Variants in AQR observed in about 807,000 individuals in gnomAD.
The protein encoded by AQR is aquarius intron-binding spliceosomal factor.
A neutral mutation model predicts 180.5 loss-of-function variants in AQR; 61 were observed. The observed-to-expected ratio is 0.34, with a 90% CI of 0.28 to 0.42. The LOEUF (loss-of-function observed/expected upper bound fraction) is 0.42, where lower values mean the gene tolerates loss of function less well. Among genes scored for constraint, AQR ranks in the 10% least tolerant of loss-of-function variants. The pLI, the probability that AQR is intolerant of heterozygous loss-of-function variation, is 1.00. For synonymous variants in AQR, 551 were observed against 588.8 expected (o/e 0.94, Z 0.93); for missense variants, 1,281 against 1,798.3 (o/e 0.71, Z 5.20).
intron 5 of AQR, among the ~76,000 whole-genome samples, chr15:34,946,788 G>A (rs1329952970): frequency 6.7e-6 from 1 of 149,146 alleles, no homozygotes; most frequent in African/African-American, 2.5e-5. Flanking sequence ...CCGGCCAGCT[G>A]CCCCGTCCGG....
At chr15:34,959,837 G>C (rs140801001) in intron 3 of AQR, among the ~76,000 whole-genome samples, 11 of 152,194 alleles carry the variant, frequency 7.2e-5, no homozygotes, top group African/African-American at 2.6e-4. Flanking sequence ...CCTGCCTCTT[G>C]CTCCCTCCAA....
intron 15 of AQR, among the ~76,000 whole-genome samples, chr15:34,917,596 G>A (rs12901991): frequency 0.73 from 110,619 of 151,860 alleles, 41,825 homozygotes; most frequent in Middle Eastern, 0.84. Flanking sequence ...GAGCCCCTAA[G>A]AAAAGCCTTT....
chr15:34,951,721 T>C (rs1894236709), intron 4 of AQR, among the ~76,000 whole-genome samples: 1 of 152,138 alleles, frequency 6.6e-6, no homozygotes, highest in African/African-American at 2.4e-5. Context: ...ATCTGTTTTG[T>C]TGCTTTCTCC....
intron 1 of AQR, among the ~76,000 whole-genome samples, chr15:34,969,022 A>T (rs532992142): frequency 6.6e-6 from 1 of 152,322 alleles, no homozygotes; most frequent in African/African-American, 2.4e-5. Context: ...TAGTAAACAG[A>T]TTCTAAATGA....
chr15:34,897,461 G>A (rs538687293), intron 21 of AQR, 98 bp downstream of exon 21: 41 of 1,394,230 alleles, frequency 2.9e-5, no homozygotes, highest in Non-Finnish European at 3.9e-5. Flanking sequence ...GAGTTTTGTG[G>A]AGTTTTAAAA....
rs147291383 is a variant in AQR at position 34,930,433 on chromosome 15, G to A, written c.901-62C>T. ...CATAAGGGCAAGAAAGCACAATACT[G>A]TTTAAAATAATAAACAGGTTCATAC... is the stretch of plus-strand genomic sequence containing the variant. On this transcript the variant is annotated intron_variant, in intron 11 of 34. Transcript: ENST00000156471. 3.0e-3 allele frequency: 2,812 copies of A among 924,298 alleles called. 55 individuals are homozygous for A. The African/African-American group carries it at 0.04, about 13-fold the overall frequency. 57.3% of individuals were successfully genotyped at this position (924,298 alleles called of 1,614,324 possible). A position where few individuals can be genotyped will look rare whatever the true frequency, so the allele number is the denominator to read the frequency against.
intron 22 of AQR, among the ~76,000 whole-genome samples, chr15:34,895,809 C>A (rs1893235041): frequency 6.6e-6 from 1 of 152,058 alleles, no homozygotes; most frequent in African/African-American, 2.4e-5. Flanking sequence ...GACAGAAAAT[C>A]AGCAATAATA....
intron 13 of AQR, among the ~76,000 whole-genome samples, chr15:34,920,922 T>C (rs1025607375): frequency 7.9e-5 from 12 of 151,756 alleles, no homozygotes; most frequent in Admixed American, 4.6e-4. Flanking sequence ...CGCGCCACTG[T>C]ACTCCAGCCT....
chr15:34,874,650 A>C (rs1419155412), intron 29 of AQR, 27 bp downstream of exon 29: 1 of 1,610,568 alleles, frequency 6.2e-7, no homozygotes, highest in African/African-American at 1.3e-5. Context: ...CTTAAATGGG[A>C]ATGATTTTTT....
At chr15:34,876,966 A>G (rs888378679) in intron 27 of AQR, among the ~76,000 whole-genome samples, 1 of 152,150 alleles carries the variant, frequency 6.6e-6, no homozygotes, top group East Asian at 1.9e-4. Flanking sequence ...TCTAAAACTG[A>G]TCTCAAAGTA....
In AQR at chr15:34,944,402, G is replaced by T. The variant is rs747856432; in HGVS notation, c.357C>A (p.Phe119Leu). The change falls in exon 6 of 35, where the codon TTC (phenylalanine) becomes TTA (leucine). Residue 119 changes from phenylalanine (F) to leucine (L), a missense_variant. Coordinates refer to ENST00000156471, the MANE Select transcript of AQR (RefSeq NM_014691.3). ...TCAAGATGTGTTTAAAAAAGAATGG[G>T]AAGTGGTCTGGCTTCTTCTTAAAAA... ...WEIFKKKPDH[F>L]PFFFKHILKA... 1 of 1,604,450 alleles carries T rather than the reference G, an allele frequency of 6.2e-7. No individual in the cohort carries two copies. The highest frequency in any genetic ancestry group is 2.3e-5 in the East Asian group (1 of 44,342).
At chr15:34,894,777 A>C (rs1213012064) in intron 22 of AQR, among the ~76,000 whole-genome samples, 1 of 152,182 alleles carries the variant, frequency 6.6e-6, no homozygotes, top group African/African-American at 2.4e-5. Flanking sequence ...CTGAAGTGAC[A>C]TAATACTGAT....
chr15:34,931,884 G>C (rs1227993624), intron 11 of AQR, among the ~76,000 whole-genome samples: 3 of 152,152 alleles, frequency 2.0e-5, no homozygotes, highest in Non-Finnish European at 4.4e-5. Context: ...GTAAAATACT[G>C]TGTCTTCCTA....
At chr15:34,893,416 G>A (rs547574661) in intron 23 of AQR, among the ~76,000 whole-genome samples, 1 of 152,272 alleles carries the variant, frequency 6.6e-6, no homozygotes, top group Admixed American at 6.5e-5. Context: ...CCAAATAAGG[G>A]AAGGAATGTG....
intron 16 of AQR, 56 bp from the exon 17 acceptor site, chr15:34,910,369 T>A (rs1893482030): frequency 2.5e-6 from 4 of 1,579,336 alleles, no homozygotes; most frequent in Non-Finnish European, 3.5e-6. Context: ...TCCCCAACTT[T>A]TAGACAAGTT....
intron 33 of AQR, among the ~76,000 whole-genome samples, chr15:34,862,293 T>C (rs556319421): frequency 6.6e-6 from 1 of 152,174 alleles, no homozygotes; most frequent in Non-Finnish European, 1.5e-5. Context: ...CAGTACAGTA[T>C]AATGATAAAT....
intron 3 of AQR, among the ~76,000 whole-genome samples, chr15:34,954,043 T>G (rs2140504567): frequency 6.6e-6 from 1 of 152,190 alleles, no homozygotes; most frequent in Non-Finnish European, 1.5e-5. Context: ...GACTCTTGAG[T>G]AGCTGGGATT....
Position 34,856,846 on chromosome 15 carries a change from C to T in AQR, c.4404G>A (p.Pro1468=), listed in dbSNP as rs751382762. 1.1e-5 allele frequency: 18 copies of T among 1,604,764 alleles called. No homozygotes were observed. The African/African-American group carries it at 1.2e-4, about 11-fold the overall frequency. Residue 1468 remains proline, a synonymous_variant, in exon 35 of 35, where the codon CCG becomes CCA. Transcript: ENST00000156471. The part of the protein sequence containing the change: ...TPTVVGAVSA[P]AEANTPQDAT... Reference sequence around the variant, plus strand: ...CATCCTGAGGTGTGTTAGCTTCTGCCGGTGCAGATACAGCTCCTACCACAG... The same window carrying T: ...CATCCTGAGGTGTGTTAGCTTCTGCTGGTGCAGATACAGCTCCTACCACAG...
chr15:34,914,346 C>T (rs57197192), intron 16 of AQR, among the ~76,000 whole-genome samples: 2,568 of 152,246 alleles, frequency 0.017, 73 homozygotes, highest in African/African-American at 0.057. Context: ...AGAGCTGCTA[C>T]AATTACCAGA....
Sources: gnomAD v4.1 joint callset for allele counts (sites outside exome capture counted in the v4.1 genomes callset) on GRCh38, gnomAD v4.1.1 for gene constraint, MANE v1.5 for transcripts, NCBI Gene and HGNC (gene_info 2026-07-23, HGNC 2026-07-21) for gene names.